ETV6: variants seen among roughly 807,000 people sequenced by gnomAD.
ETV6 encodes the protein ETS variant transcription factor 6, also known as transcription factor ETV6.
In ETV6, 16 loss-of-function variants were observed where a neutral mutation model predicts 51.1. The observed-to-expected ratio is 0.31, with a 90% CI of 0.21 to 0.48. ETV6 has a LOEUF of 0.48. Ranked by LOEUF, ETV6 falls within the 20% of genes least tolerant of loss-of-function variation. The probability of loss-of-function intolerance (pLI) is 0.99; values close to 1 mark genes in which losing one functional copy is unlikely to be tolerated. For missense variants in ETV6, 458 were observed against 594.8 expected (o/e 0.77, Z 2.39); for synonymous variants, 240 against 224.1 (o/e 1.07, Z -0.64).
At position 11,869,908 on chromosome 12, in the gene ETV6, C is replaced by G; in HGVS notation, c.948C>G (p.Asn316Lys). Residue 316 changes from asparagine (N) to lysine (K), a missense_variant, in exon 5 of 8, where the codon AAC (asparagine) becomes AAG (lysine). Physicochemically the swap from Asn to Lys is moderately conservative, Grantham distance 94. Transcript: ENST00000396373. This position sits in a 1 kb window ranked among gnomAD's most constrained non-coding sequence, Gnocchi z 5.0. ...ATCGGGAAGACCTGGCTTACATGAACCACATCATGGTCTCTGTCTCCCCGC... is the reference window on the plus strand; with the variant it reads ...ATCGGGAAGACCTGGCTTACATGAAGCACATCATGGTCTCTGTCTCCCCGC... ...LSHREDLAYM[N>K]HIMVSVSPPE... 6.2e-7 allele frequency: 1 copy of G among 1,612,208 alleles called. No homozygotes were observed. The highest frequency in any genetic ancestry group is 1.1e-5 in the South Asian group (1 of 91,086).
intron 1 of ETV6, among the ~76,000 whole-genome samples, chr12:11,702,589 C>T (rs1002814663): frequency 1.3e-5 from 2 of 151,992 alleles, no homozygotes; most frequent in Non-Finnish European, 2.9e-5. Context: ...ATGGCCCTTC[C>T]CCACTGCCTG....
chr12:11,674,807 C>G (rs952246120), intron 1 of ETV6, among the ~76,000 whole-genome samples: 1 of 152,092 alleles, frequency 6.6e-6, no homozygotes, highest in South Asian at 2.1e-4. Context: ...GGCTGCCACT[C>G]TCTCACTGCC....
At position 11,884,477 on chromosome 12, in the gene ETV6, T is replaced by C; in HGVS notation, c.1042T>C (p.Leu348=). The change falls in exon 6 of 8, where the codon TTG becomes CTG. Residue 348 remains leucine, a synonymous_variant. Coordinates refer to ENST00000396373, the MANE Select transcript of ETV6 (RefSeq NM_001987.5). ...CRLLWDYVYQ[L]LSDSRYENFI... is the part of the protein sequence containing the mutation. The stretch of plus-strand genomic sequence containing the variant: ...ACTGCTTTGGGATTACGTCTATCAG[T>C]TGCTTTCTGACAGCCGGTACGAAAA... The C allele has an allele frequency of 6.2e-7, 1 of 1,614,230 alleles. No individual in the cohort carries two copies. Among genetic ancestry groups the C allele is most frequent in the Non-Finnish European group, 8.5e-7 (1 of 1,180,034 alleles).
At chr12:11,842,096 A>AG (rs893945108) in intron 3 of ETV6, among the ~76,000 whole-genome samples, 21 of 148,532 alleles carry the variant, frequency 1.4e-4, no homozygotes, top group East Asian at 9.7e-4. Flanking sequence ...AAAAAAAAAA[A>AG]AAGAAGAAGA....
At chr12:11,831,781 A>C (rs569620921) in intron 2 of ETV6, among the ~76,000 whole-genome samples, 4 of 152,342 alleles carry the variant, frequency 2.6e-5, no homozygotes, top group Admixed American at 2.6e-4. Flanking sequence ...TATTGTCAGT[A>C]ACTATTACTT....
intron 2 of ETV6, among the ~76,000 whole-genome samples, chr12:11,832,220 T>C (rs1322330116): frequency 6.6e-6 from 1 of 152,164 alleles, no homozygotes; most frequent in Non-Finnish European, 1.5e-5. Flanking sequence ...CATCAGCAAA[T>C]GGCAAAGAAA....
chr12:11,870,958 A>C (rs1462171543), intron 5 of ETV6, among the ~76,000 whole-genome samples: 2 of 152,204 alleles, frequency 1.3e-5, no homozygotes, highest in African/African-American at 4.8e-5. Flanking sequence ...GGAGGGACCA[A>C]GCAAGGCTTT....
Position 11,766,831 on chromosome 12 carries a change from G to A in ETV6, c.163+14252G>A, listed in dbSNP as rs185707199. ...GCCGGCCTTTAAAATCTTGAAGGCAGTAAATGTAAGTGCTATTCCGGTCTT... is the reference window on the plus strand; with the variant it reads ...GCCGGCCTTTAAAATCTTGAAGGCAATAAATGTAAGTGCTATTCCGGTCTT... On this transcript the variant is annotated intron_variant, in intron 2 of 7. Transcript: ENST00000396373. Among the ~76,000 whole-genome samples the A allele has an allele frequency of 2.1e-4, 32 of 152,340 alleles. No individual in the cohort carries two copies. The East Asian group carries it at 2.9e-3, about 14-fold the overall frequency.
intron 2 of ETV6, among the ~76,000 whole-genome samples, chr12:11,784,389 G>A (rs1488622108): frequency 6.6e-6 from 1 of 151,658 alleles, no homozygotes; most frequent in Non-Finnish European, 1.5e-5. Context: ...AACCCTGGAG[G>A]CGGAGGTTGC....
At chr12:11,889,836 G>A (rs1947260178) in intron 7 of ETV6, among the ~76,000 whole-genome samples, 1 of 152,226 alleles carries the variant, frequency 6.6e-6, no homozygotes, top group South Asian at 2.1e-4. Flanking sequence ...GAGAGAAAAT[G>A]TAAGCTCTAA....
chr12:11,792,382 G>A (rs897510037), intron 2 of ETV6, among the ~76,000 whole-genome samples: 7 of 152,028 alleles, frequency 4.6e-5, no homozygotes, highest in African/African-American at 1.7e-4. Flanking sequence ...ACTCTGAGAC[G>A]GATTACATTT....
intron 1 of ETV6, among the ~76,000 whole-genome samples, chr12:11,701,386 T>A (rs1194071834): frequency 6.6e-6 from 1 of 152,162 alleles, no homozygotes; most frequent in African/African-American, 2.4e-5. Flanking sequence ...CATTTGACCT[T>A]TTGTGACTGG....
intron 3 of ETV6, among the ~76,000 whole-genome samples, chr12:11,844,723 G>T (rs1170910680): frequency 6.7e-6 from 1 of 148,812 alleles, no homozygotes; most frequent in Non-Finnish European, 1.5e-5. Context: ...GAAGACACCA[G>T]AGTTGGCTCT....
At chr12:11,754,506 C>G (rs1468504976) in intron 2 of ETV6, among the ~76,000 whole-genome samples, 1 of 152,206 alleles carries the variant, frequency 6.6e-6, no homozygotes, top group Admixed American at 6.5e-5. Flanking sequence ...AGCAAACAAA[C>G]ACACTGAACT....
chr12:11,749,083 G>A (rs1377525118), intron 1 of ETV6, among the ~76,000 whole-genome samples: 1 of 152,082 alleles, frequency 6.6e-6, no homozygotes, highest in Non-Finnish European at 1.5e-5. Context: ...GGTTGTATCT[G>A]CAAATTTGAG....
At chr12:11,877,103 T>C (rs1946998552) in intron 5 of ETV6, among the ~76,000 whole-genome samples, 2 of 152,184 alleles carry the variant, frequency 1.3e-5, no homozygotes, top group East Asian at 1.9e-4. Context: ...ATTATATATA[T>C]ACAAAGATTC....
chr12:11,883,276 C>CTTTTTTTTTTTTTTTTTTTTTTT, intron 5 of ETV6, among the ~76,000 whole-genome samples: 1 of 79,116 alleles, frequency 1.3e-5, no homozygotes, highest in Non-Finnish European at 2.2e-5. Context: ...ATGTCTTCTT[C>CTTTTTTTTTTTTTTTTTTTTTTT]TTTTTTTTTT....
At chr12:11,852,213 GTTTA>G (rs907366452) in intron 3 of ETV6, among the ~76,000 whole-genome samples, 1 of 152,162 alleles carries the variant, frequency 6.6e-6, no homozygotes, top group Admixed American at 6.5e-5. Flanking sequence ...TTTGGGGTTT[GTTTA>G]TTTTTTGCTA....
At position 11,784,862 on chromosome 12, in the gene ETV6, A is replaced by ATTTTTTTTTTTTTTT. The variant is rs34004409; in HGVS notation, c.163+32293_163+32307dup. ...CAAGTGTGCACCCCGTGCCTTGCTA[A>ATTTTTTTTTTTTTTT]TTTTTTTTTTTTTTTTTTTTTTTTG... On this transcript the variant is annotated intron_variant, in intron 2 of 7. Coordinates refer to ENST00000396373, the MANE Select transcript of ETV6 (RefSeq NM_001987.5). Among the ~76,000 whole-genome samples the ATTTTTTTTTTTTTTT allele has an allele frequency of 9.1e-4, 78 of 85,752 alleles. 3 individuals carry two copies. Among genetic ancestry groups the ATTTTTTTTTTTTTTT allele is most frequent in the African/African-American group, 3.6e-3 (75 of 21,006 alleles). 56.3% of individuals were successfully genotyped at this position (85,752 alleles called of 152,430 possible).
Sources: allele counts gnomAD v4.1 joint callset (sites outside exome capture counted in the v4.1 genomes callset), GRCh38; gene constraint gnomAD v4.1.1; non-coding constraint Gnocchi (gnomAD v3.1); transcripts MANE v1.5; gene names NCBI Gene and HGNC (gene_info 2026-07-23, HGNC 2026-07-21).